The following TCF7L1 variants were observed in gnomAD, a reference collection of about 807,000 sequenced individuals.
The protein encoded by TCF7L1 is transcription factor 7 like 1, also known as transcription factor 7-like 1.
TCF7L1 carries 18 observed loss-of-function variants against 63.7 expected under a neutral mutation model. The observed-to-expected ratio is 0.28, with a 90% CI of 0.20 to 0.42. The LOEUF is 0.42. TCF7L1 is among the 10% of genes least tolerant of loss of function. The pLI, the probability that TCF7L1 is intolerant of heterozygous loss-of-function variation, is 1.00. For missense variants in TCF7L1, 654 were observed against 779.3 expected, an observed-to-expected ratio of 0.84 and a Z score of 1.91; for synonymous variants, 355 against 340.9, an observed-to-expected ratio of 1.04 and a Z score of -0.46.
chr2:85,268,495 C>T (rs1263292227), intron 3 of TCF7L1, among the ~76,000 whole-genome samples: 2 of 115,304 alleles, frequency 1.7e-5, no homozygotes, highest in Admixed American at 1.0e-4. Flanking sequence ...TTTTTTGAGA[C>T]GGAGTCTCGC....
intron 3 of TCF7L1, among the ~76,000 whole-genome samples, chr2:85,154,609 C>T (rs1678100701): frequency 6.6e-6 from 1 of 152,140 alleles, no homozygotes; most frequent in African/African-American, 2.4e-5. Context: ...ATGTGGTTTC[C>T]CTGCTGTAAG....
intron 3 of TCF7L1, among the ~76,000 whole-genome samples, chr2:85,221,965 G>A (rs571317968): frequency 6.6e-6 from 1 of 151,880 alleles, no homozygotes; most frequent in Non-Finnish European, 1.5e-5. Flanking sequence ...CAATAACTTG[G>A]TTTCCTCCAC....
chr2:85,241,162 GT>G (rs972559887), intron 3 of TCF7L1, among the ~76,000 whole-genome samples: 1 of 152,168 alleles, frequency 6.6e-6, no homozygotes, highest in Non-Finnish European at 1.5e-5. Context: ...CTTTTAAAGG[GT>G]TTGTCTTCCT....
chr2:85,204,581 A>AT (rs1679352371), intron 3 of TCF7L1, among the ~76,000 whole-genome samples: 1 of 151,442 alleles, frequency 6.6e-6, no homozygotes, highest in Non-Finnish European at 1.5e-5. Flanking sequence ...GGGTCTTACT[A>AT]TGTTGCCCAG....
In TCF7L1 at chr2:85,256,914, C is replaced by T. The variant is rs569918857; in HGVS notation, c.442-26581C>T. Among the ~76,000 whole-genome samples, 6 of 151,938 alleles carry T rather than the reference C, an allele frequency of 3.9e-5. No individual in the cohort carries two copies. The South Asian group carries it at 1.2e-3, about 32-fold the overall frequency. On this transcript the variant is annotated intron_variant, in intron 3 of 11. Transcript: ENST00000282111. ...AGGAGAATCACTTGAACCTGGGAAGCAGAGTTTGCACTGAGCTGAGATCGC... is the reference window on the plus strand; with the variant it reads ...AGGAGAATCACTTGAACCTGGGAAGTAGAGTTTGCACTGAGCTGAGATCGC...
At chr2:85,291,053 T>C (rs1049953320) in intron 4 of TCF7L1, among the ~76,000 whole-genome samples, 6 of 152,200 alleles carry the variant, frequency 3.9e-5, no homozygotes, top group African/African-American at 1.4e-4. Context: ...CTTCCTTCCC[T>C]TTGTCCTGTC....
intron 3 of TCF7L1, among the ~76,000 whole-genome samples, chr2:85,206,281 GT>G (rs748207492): frequency 6.6e-6 from 1 of 152,236 alleles, no homozygotes; most frequent in Non-Finnish European, 1.5e-5. Flanking sequence ...CATCTTGTGT[GT>G]TGGCTCTTGA....
intron 3 of TCF7L1, among the ~76,000 whole-genome samples, chr2:85,204,050 C>A (rs913285023): frequency 6.6e-6 from 1 of 152,004 alleles, no homozygotes. Context: ...TTTCATTATT[C>A]TTTTTATATT....
At chr2:85,200,110 C>G (rs1197500763) in intron 3 of TCF7L1, among the ~76,000 whole-genome samples, 3 of 152,170 alleles carry the variant, frequency 2.0e-5, no homozygotes, top group Non-Finnish European at 2.9e-5. Context: ...GGATAATATC[C>G]CATCGTGTGG....
chr2:85,290,783 G>T (rs60491298), intron 4 of TCF7L1, among the ~76,000 whole-genome samples: 1 of 152,180 alleles, frequency 6.6e-6, no homozygotes, highest in East Asian at 1.9e-4. Flanking sequence ...GACTGGCAGG[G>T]AAGAGTTACA....
At chr2:85,207,641 G>T (rs930285531) in intron 3 of TCF7L1, among the ~76,000 whole-genome samples, 1 of 151,522 alleles carries the variant, frequency 6.6e-6, no homozygotes, top group Non-Finnish European at 1.5e-5. Flanking sequence ...AGCTGGAATA[G>T]TTCTTTCACC....
intron 3 of TCF7L1, among the ~76,000 whole-genome samples, chr2:85,181,301 A>G (rs1055446614): frequency 1.3e-5 from 2 of 152,358 alleles, no homozygotes; most frequent in Admixed American, 6.5e-5. Context: ...CTTGGCATAT[A>G]GCCAAAAGCT....
At chr2:85,228,607 A>G (rs1247571871) in intron 3 of TCF7L1, among the ~76,000 whole-genome samples, 1 of 152,116 alleles carries the variant, frequency 6.6e-6, no homozygotes, top group East Asian at 1.9e-4. Flanking sequence ...GGGGTTCCCA[A>G]GGAGTTCAGA....
chr2:85,217,327 GA>G (rs1292337292), intron 3 of TCF7L1: 1 of 152,200 alleles, frequency 6.6e-6, no homozygotes, highest in Admixed American at 6.5e-5. Context: ...CTGAGAAACA[GA>G]ACAATTTGTT....
At position 85,190,867 on chromosome 2, in the gene TCF7L1, C is replaced by T. The variant is rs7609218; in HGVS notation, c.441+56417C>T. ...AAAGGTTATTATTCCCATTTATGGA[C>T]GCAATACCTGAGGCTCAGAAATATT... On this transcript the variant is annotated intron_variant, in intron 3 of 11. Coordinates refer to ENST00000282111, the MANE Select transcript of TCF7L1 (RefSeq NM_031283.3). Among the ~76,000 whole-genome samples the T allele has an allele frequency of 4.3e-3, 649 of 152,176 alleles. 4 individuals are homozygous for T. The highest frequency in any genetic ancestry group is 0.014 in the African/African-American group (587 of 41,496).
chr2:85,261,005 C>G (rs1490609407), intron 3 of TCF7L1, among the ~76,000 whole-genome samples: 1 of 152,174 alleles, frequency 6.6e-6, no homozygotes, highest in Admixed American at 6.6e-5. Flanking sequence ...GAGATCCTAC[C>G]TGCCAAGAAC....
At chr2:85,208,671 G>C (rs188761890) in intron 3 of TCF7L1, among the ~76,000 whole-genome samples, 3 of 152,270 alleles carry the variant, frequency 2.0e-5, no homozygotes, top group African/African-American at 4.8e-5. Context: ...AAATACACCA[G>C]GTTTAGTGGA....
At chr2:85,308,614 C>T (rs1430040218) in intron 11 of TCF7L1, among the ~76,000 whole-genome samples, 10 of 151,258 alleles carry the variant, frequency 6.6e-5, no homozygotes, top group Admixed American at 2.6e-4. Flanking sequence ...TACATAGGAG[C>T]GCACATGAGT....
At chr2:85,265,018 C>T (rs908301) in intron 3 of TCF7L1, among the ~76,000 whole-genome samples, 69,913 of 151,818 alleles carry the variant, frequency 0.46, 16,649 homozygotes, top group Non-Finnish European at 0.53. Context: ...ATGGATCCAC[C>T]GGAATGAAGA....
Sources: allele counts gnomAD v4.1 joint callset (sites outside exome capture counted in the v4.1 genomes callset), GRCh38; gene constraint gnomAD v4.1.1; transcripts MANE v1.5; gene names NCBI Gene and HGNC (gene_info 2026-07-23, HGNC 2026-07-21).